XPO6: variants seen among roughly 807,000 people sequenced by gnomAD.
XPO6 encodes the protein exportin 6.
A neutral mutation model predicts 130.0 loss-of-function variants in XPO6; 3 were observed. That is an observed-to-expected ratio of 0.02 (90% CI 0.01 to 0.06). The LOEUF (loss-of-function observed/expected upper bound fraction) is 0.06. Among genes scored for constraint, XPO6 ranks in the 10% least tolerant of loss-of-function variants. The probability of loss-of-function intolerance (pLI) is 1.00; values close to 1 mark genes in which losing one functional copy is unlikely to be tolerated. For synonymous variants in XPO6, 524 were observed against 548.9 expected (o/e 0.95, Z 0.63); for missense variants, 970 against 1,393.0 (o/e 0.70, Z 4.83).
intron 1 of XPO6, among the ~76,000 whole-genome samples, chr16:28,185,095 A>G (rs115548565): frequency 0.01 from 1,528 of 152,350 alleles, 32 homozygotes; most frequent in African/African-American, 0.035. Context: ...ACAGGAATTA[A>G]TATTGCTACA....
In XPO6 at chr16:28,106,626, C is replaced by T. The variant is rs1209074965; in HGVS notation, c.2498-129G>A. The T allele has an allele frequency of 2.8e-6, 2 of 705,328 alleles. No homozygotes were observed. The highest frequency in any genetic ancestry group is 4.9e-5 in the Admixed American group (2 of 41,006). 43.7% of individuals were successfully genotyped at this position (705,328 alleles called of 1,614,324 possible). A position where few individuals can be genotyped will look rare whatever the true frequency, so the allele number is the denominator to read the frequency against. On this transcript the variant is annotated intron_variant, in intron 18 of 23. Transcript: ENST00000304658. This position sits in a 1 kb window ranked among gnomAD's most constrained non-coding sequence, Gnocchi z 4.2. ...TACAGCTTCCTGCTGGAAACATTTCCCCAACACCATCAGGGCCAATGATGG... is the reference window on the plus strand; with the variant it reads ...TACAGCTTCCTGCTGGAAACATTTCTCCAACACCATCAGGGCCAATGATGG...
At chr16:28,156,750 AG>A (rs1327702751) in intron 6 of XPO6, among the ~76,000 whole-genome samples, 1 of 152,188 alleles carries the variant, frequency 6.6e-6, no homozygotes, top group African/African-American at 2.4e-5. Context: ...ATTCTTAGTG[AG>A]GGGGATCTGG....
chr16:28,152,091 C>CGTGTGTGT (rs2043103561), intron 8 of XPO6, among the ~76,000 whole-genome samples: 1 of 130,282 alleles, frequency 7.7e-6, no homozygotes, highest in Non-Finnish European at 1.6e-5. Context: ...TGTGTGTGTA[C>CGTGTGTGT]ACACACATAC....
chr16:28,193,314 T>G (rs2043812679), intron 1 of XPO6, among the ~76,000 whole-genome samples: 1 of 151,854 alleles, frequency 6.6e-6, no homozygotes, highest in Admixed American at 6.6e-5. Flanking sequence ...GCAGGAAGTG[T>G]GGGGGCGCTG....
Position 28,101,146 on chromosome 16 carries a change from G to A in XPO6, c.3276+312C>T. ...CCCACCGGGGCTCATCACCCAGGAG[G>A]GAGAACGGCAGGGTCCTGGGTATGA... On this transcript the variant is annotated intron_variant, in intron 23 of 23. Coordinates refer to ENST00000304658, the MANE Select transcript of XPO6 (RefSeq NM_015171.4). This position sits in a 1 kb window ranked among gnomAD's most constrained non-coding sequence, Gnocchi z 5.4. 2.3e-6 allele frequency: 1 copy of A among 439,834 alleles called. No homozygotes were observed. The highest frequency in any genetic ancestry group is 2.1e-5 in the South Asian group (1 of 48,730). The allele number at this position is 439,834 out of a possible 1,614,324, so 27.2% of individuals were successfully genotyped here. A position where few individuals can be genotyped will look rare whatever the true frequency, so the allele number is the denominator to read the frequency against.
Position 28,099,292 on chromosome 16 carries a change from C to CT in XPO6, c.3277-654dup, listed in dbSNP as rs144816904. Among the ~76,000 whole-genome samples, 459 of 151,484 alleles carry CT rather than the reference C, an allele frequency of 3.0e-3. 4 individuals are homozygous for CT. In the East Asian group the frequency reaches 0.055, roughly 18 times the overall value. On this transcript the variant is annotated intron_variant, in intron 23 of 23. Coordinates refer to ENST00000304658, the MANE Select transcript of XPO6 (RefSeq NM_015171.4). ...CCATCATGCACACGGTGAGACCCTG[C>CT]TTTTTTTTTCAGTGTAGGTCCCGGT...
In XPO6 at chr16:28,156,135, T is replaced by C; in HGVS notation, c.1036A>G (p.Lys346Glu). 1 of 1,613,998 alleles carries C rather than the reference T, an allele frequency of 6.2e-7. No homozygotes were observed. ...TGGGCATTGTTATCCTTGGTGATTT[T>C]CTGCAGGAGGTAGAAAGTCTGCTGG... ...MFQQTFYLLQKITKDNNAHTV... is the reference protein window; with the variant it reads ...MFQQTFYLLQEITKDNNAHTV... The change falls in exon 7 of 24, where the codon AAA (lysine) becomes GAA (glutamate). Residue 346 changes from lysine to glutamate, a missense_variant. By Grantham distance (56) the Lys-to-Glu change is moderately conservative (BLOSUM62 1). Coordinates refer to ENST00000304658, the MANE Select transcript of XPO6 (RefSeq NM_015171.4).
chr16:28,166,263 C>A (rs189807017), intron 6 of XPO6, among the ~76,000 whole-genome samples: 231 of 152,276 alleles, frequency 1.5e-3, no homozygotes, highest in Non-Finnish European at 2.8e-3. Context: ...AGCACAAGCA[C>A]ATAACCATGA....
chr16:28,123,599 A>G (rs2087307797), intron 13 of XPO6, among the ~76,000 whole-genome samples: 1 of 152,180 alleles, frequency 6.6e-6, no homozygotes, highest in African/African-American at 2.4e-5. Context: ...CTGGGGAGCA[A>G]TGAGAAAGCA....
At chr16:28,145,261 G>A (rs1389284957) in intron 9 of XPO6, among the ~76,000 whole-genome samples, 1 of 152,042 alleles carries the variant, frequency 6.6e-6, no homozygotes, top group African/African-American at 2.4e-5. Context: ...GACTATGATG[G>A]GTATGTTTCT....
At chr16:28,154,201 A>C in intron 7 of XPO6, 1 of 969,394 alleles carries the variant, frequency 1.0e-6, no homozygotes, top group Non-Finnish European at 1.2e-6. Context: ...ATTCAAAGTC[A>C]CCACCCAGCT....
chr16:28,105,434 C>T (rs569386866), intron 20 of XPO6, among the ~76,000 whole-genome samples: 2 of 152,278 alleles, frequency 1.3e-5, no homozygotes, highest in African/African-American at 4.8e-5. Context: ...AAATAGACAC[C>T]AGGGGCCACA....
chr16:28,125,002 A>G (rs1342854870), intron 13 of XPO6, among the ~76,000 whole-genome samples: 3 of 152,210 alleles, frequency 2.0e-5, no homozygotes. Flanking sequence ...TGTCACTTAC[A>G]TCTTGGGTTT....
chr16:28,145,958 G>C (rs2042975230), intron 9 of XPO6, 136 bp downstream of exon 9: 2 of 584,878 alleles, frequency 3.4e-6, no homozygotes, highest in South Asian at 6.1e-5. Context: ...AAAAGGAAAT[G>C]CTCAATGGCA....
chr16:28,110,719 C>T (rs538141375), intron 17 of XPO6, among the ~76,000 whole-genome samples: 4 of 152,352 alleles, frequency 2.6e-5, no homozygotes, highest in African/African-American at 9.6e-5. Flanking sequence ...TGCTAATCAT[C>T]AATCAAGATC....
At chr16:28,113,173 T>C in intron 15 of XPO6, 123 bp from the exon 16 acceptor site, 25 of 1,257,634 alleles carry the variant, frequency 2.0e-5, no homozygotes, top group Non-Finnish European at 2.7e-5. Flanking sequence ...CTAGGCCCTA[T>C]CTAGCTCAAG....
At chr16:28,141,914 C>A (rs1008677402) in intron 9 of XPO6, among the ~76,000 whole-genome samples, 1 of 152,240 alleles carries the variant, frequency 6.6e-6, no homozygotes, top group African/African-American at 2.4e-5. Context: ...GAGCCAAGAT[C>A]GCGCCACTGC....
chr16:28,106,315 C>A lies in XPO6; in HGVS notation c.2612+68G>T, dbSNP rs1235369147. 1.9e-6 allele frequency: 3 copies of A among 1,606,522 alleles called. No homozygotes were observed. Among genetic ancestry groups the A allele is most frequent in the Admixed American group, 1.7e-5 (1 of 59,726 alleles). On this transcript the variant is annotated intron_variant, in intron 19 of 23. Coordinates refer to ENST00000304658, the MANE Select transcript of XPO6 (RefSeq NM_015171.4). This position sits in a 1 kb window ranked among gnomAD's most constrained non-coding sequence, Gnocchi z 4.2. ...AGTGCAGAACAGGAGCAAAAAGCCACACTTTGTCGCCAGACCCACCACTTC... is the reference window on the plus strand; with the variant it reads ...AGTGCAGAACAGGAGCAAAAAGCCAAACTTTGTCGCCAGACCCACCACTTC...
intron 13 of XPO6, among the ~76,000 whole-genome samples, 198 bp from the exon 14 acceptor site, chr16:28,121,960 A>G (rs1377572592): frequency 2.6e-5 from 4 of 152,316 alleles, no homozygotes; most frequent in East Asian, 3.9e-4. Flanking sequence ...CATATTAACT[A>G]AAGCCTTATT....
Sources: gnomAD v4.1 joint callset for allele counts (sites outside exome capture counted in the v4.1 genomes callset) on GRCh38, gnomAD v4.1.1 for gene constraint, Gnocchi (gnomAD v3.1) non-coding constraint, MANE v1.5 for transcripts, NCBI Gene and HGNC (gene_info 2026-07-23, HGNC 2026-07-21) for gene names.